Variants in PMFBP1 observed in about 807,000 individuals in gnomAD.
PMFBP1 encodes polyamine-modulated factor 1-binding protein 1.
Under a neutral mutation model 137.8 loss-of-function variants are expected in PMFBP1, and 131 were observed. The ratio of observed to expected loss-of-function variants is 0.95; its 90% CI spans 0.82 to 1.10. The LOEUF (loss-of-function observed/expected upper bound fraction) is 1.10, where lower values mean the gene tolerates loss of function less well. Among genes scored for constraint, PMFBP1 ranks in the 50% least tolerant of loss-of-function variants. PMFBP1 has a pLI of 0.00. For synonymous variants in PMFBP1, 490 were observed against 450.4 expected (o/e 1.09, Z -1.11); for missense variants, 1,199 against 1,175.4 (o/e 1.02, Z -0.29).
At chr16:72,204,254 C>G in the PMFBP1 span, among the ~76,000 whole-genome samples, 2 of 150,212 alleles carry the variant, frequency 1.3e-5, no homozygotes, top group Non-Finnish European at 2.9e-5. Flanking sequence ...GTGGCAGGAT[C>G]TTGGCTCACT....
chr16:72,232,760 G>A, the PMFBP1 span, among the ~76,000 whole-genome samples: 2 of 152,138 alleles, frequency 1.3e-5, no homozygotes, highest in African/African-American at 4.8e-5. Flanking sequence ...AGACTTCAGG[G>A]AGACAGCCTT....
chr16:72,187,603 C>G, the PMFBP1 span, among the ~76,000 whole-genome samples: 1 of 152,126 alleles, frequency 6.6e-6, no homozygotes, highest in Non-Finnish European at 1.5e-5. Context: ...CTTCAGTGAT[C>G]AAGTCGTGGA....
At chr16:72,190,560 G>A in the PMFBP1 span, among the ~76,000 whole-genome samples, 1 of 152,170 alleles carries the variant, frequency 6.6e-6, no homozygotes, top group Non-Finnish European at 1.5e-5. Context: ...AGGGGAGAGA[G>A]AGAAAAGAAA....
intron 2 of PMFBP1, among the ~76,000 whole-genome samples, chr16:72,166,884 C>T (rs903764088): frequency 6.6e-6 from 1 of 152,202 alleles, no homozygotes; most frequent in Non-Finnish European, 1.5e-5. Flanking sequence ...AGAGTTACAG[C>T]TGCAAAAGTG....
chr16:72,182,141 C>A, the PMFBP1 span, among the ~76,000 whole-genome samples: 2 of 152,132 alleles, frequency 1.3e-5, no homozygotes, highest in East Asian at 3.9e-4. Flanking sequence ...GTAATTTAAA[C>A]CAGACCTATT....
chr16:72,221,472 T>C, the PMFBP1 span, among the ~76,000 whole-genome samples: 2 of 152,254 alleles, frequency 1.3e-5, no homozygotes, highest in East Asian at 1.9e-4. Context: ...GGAGATTAGA[T>C]TAGGAATGTC....
chr16:72,197,419 G>A, the PMFBP1 span, among the ~76,000 whole-genome samples: 1 of 152,232 alleles, frequency 6.6e-6, no homozygotes, highest in Admixed American at 6.5e-5. Flanking sequence ...ACCTTTGGCT[G>A]TCTTTCTCCA....
chr16:72,166,918 A>G (rs573627846), intron 2 of PMFBP1, among the ~76,000 whole-genome samples: 7 of 152,348 alleles, frequency 4.6e-5, no homozygotes, highest in African/African-American at 1.7e-4. Context: ...GGATAGGTGC[A>G]TGGAAATAGT....
intron 12 of PMFBP1, 116 bp downstream of exon 12, chr16:72,130,097 T>C (rs891938063): frequency 3.6e-6 from 5 of 1,396,524 alleles, no homozygotes; most frequent in Non-Finnish European, 4.9e-6. Flanking sequence ...TCAAGTGATC[T>C]GCCTGCCTTG....
intron 17 of PMFBP1, among the ~76,000 whole-genome samples, chr16:72,124,119 C>A (rs1172745846): frequency 6.6e-6 from 1 of 152,186 alleles, no homozygotes; most frequent in Non-Finnish European, 1.5e-5. Flanking sequence ...TCAAGCTATC[C>A]TCCCACTTAG....
At chr16:72,218,782 A>G in the PMFBP1 span, among the ~76,000 whole-genome samples, 1 of 152,156 alleles carries the variant, frequency 6.6e-6, no homozygotes, top group South Asian at 2.1e-4. Context: ...CATGTGCAAA[A>G]TATATTCCAG....
At chr16:72,139,455 C>T (rs1394987975) in intron 6 of PMFBP1, 56 bp from the exon 7 acceptor site, 2 of 1,278,880 alleles carry the variant, frequency 1.6e-6, no homozygotes, top group African/African-American at 2.9e-5. Flanking sequence ...TGCTTGTTAC[C>T]ATGACTATTA....
At position 72,154,248 on chromosome 16, in the gene PMFBP1, A is replaced by G. The variant is rs752641616; in HGVS notation, c.377T>C (p.Val126Ala). Residue 126 changes from valine (V) to alanine (A), a missense_variant, in exon 4 of 21, where the codon GTT becomes GCT. Coordinates refer to ENST00000237353, the MANE Select transcript of PMFBP1 (RefSeq NM_031293.3). ...SILEKQTSDL[V>A]LLHHHCKLKE... is the part of the protein sequence containing the mutation. Reference sequence around the variant, plus strand: ...CAGTTTGCAGTGATGGTGCAGAAGAACCAGGTCGGAAGTCTGCTTCTCTAG... The same window carrying G: ...CAGTTTGCAGTGATGGTGCAGAAGAGCCAGGTCGGAAGTCTGCTTCTCTAG... The G allele has an allele frequency of 1.9e-6, 3 of 1,613,988 alleles. No homozygotes were observed. Among genetic ancestry groups the G allele is most frequent in the African/African-American group, 2.7e-5 (2 of 74,888 alleles).
the PMFBP1 span, among the ~76,000 whole-genome samples, chr16:72,209,457 T>C: frequency 6.6e-6 from 1 of 151,984 alleles, no homozygotes; most frequent in African/African-American, 2.4e-5. Context: ...ATTTTGTATA[T>C]AGATATCTGT....
intron 10 of PMFBP1, among the ~76,000 whole-genome samples, chr16:72,132,134 C>T (rs1424052384): frequency 6.6e-6 from 1 of 152,182 alleles, no homozygotes; most frequent in Non-Finnish European, 1.5e-5. Flanking sequence ...CCTGAGCCAC[C>T]GTGCCTGGGA....
rs2042504494 is a variant in PMFBP1 at position 72,128,932 on chromosome 16, C to A, written c.1950+134G>T. The A allele has an allele frequency of 6.6e-6, 10 of 1,506,168 alleles. No homozygotes were observed. In the Middle Eastern group the frequency reaches 5.3e-4, roughly 80 times the overall value. The allele number at this position is 1,506,168 out of a possible 1,614,324, so 93.3% of individuals were successfully genotyped here. ...TCAGGCATTCTCGCTCCCCTCCTCG[C>A]TGGCCTTTCCCACTGTCCCTCCCGT... On this transcript the variant is annotated intron_variant, in intron 13 of 20. Coordinates refer to ENST00000237353, the MANE Select transcript of PMFBP1 (RefSeq NM_031293.3).
chr16:72,151,102 G>A (rs3852784), intron 4 of PMFBP1, among the ~76,000 whole-genome samples: 90,867 of 152,090 alleles, frequency 0.6, 28,077 homozygotes, highest in African/African-American at 0.75. Context: ...GAAACTCAAT[G>A]AATACTTGCT....
At chr16:72,230,994 T>C in the PMFBP1 span, among the ~76,000 whole-genome samples, 1 of 152,200 alleles carries the variant, frequency 6.6e-6, no homozygotes, top group African/African-American at 2.4e-5. Flanking sequence ...CAGTTAAACA[T>C]AGTTCTCCTG....
intron 5 of PMFBP1, among the ~76,000 whole-genome samples, chr16:72,144,558 T>C (rs1397550374): frequency 6.6e-6 from 1 of 152,178 alleles, no homozygotes; most frequent in African/African-American, 2.4e-5. Context: ...CCACTGGATA[T>C]TTATTTAAAT....
Sources: gnomAD v4.1 joint callset for allele counts (sites outside exome capture counted in the v4.1 genomes callset) on GRCh38, gnomAD v4.1.1 for gene constraint, MANE v1.5 for transcripts, NCBI Gene and HGNC (gene_info 2026-07-23, HGNC 2026-07-21) for gene names.